TMEM45A: variants seen among roughly 807,000 people sequenced by gnomAD.
TMEM45A encodes the protein DNA polymerase-transactivated protein 4.
In TMEM45A, 25 loss-of-function variants were observed where a neutral mutation model predicts 32.0. The ratio of observed to expected loss-of-function variants is 0.78; its 90% CI spans 0.57 to 1.09. The LOEUF is 1.09. TMEM45A is among the 50% of genes least tolerant of loss of function. The pLI, the probability that TMEM45A is intolerant of heterozygous loss-of-function variation, is 0.00. For synonymous variants in TMEM45A, 122 were observed against 114.8 expected, an observed-to-expected ratio of 1.06 and a Z score of -0.40; for missense variants, 302 against 325.0, an observed-to-expected ratio of 0.93 and a Z score of 0.54.
In TMEM45A at chr3:100,565,216, A is replaced by C. The variant is rs145373834; in HGVS notation, c.589-3606A>C. On this transcript the variant is annotated intron_variant, in intron 4 of 5. Coordinates refer to ENST00000323523, the MANE Select transcript of TMEM45A (RefSeq NM_018004.3). ...CTTGAGGTTGTTTCAAGGGCTAAGAATTATTGTGATGTTTATGTACATGAG... is the reference window on the plus strand; with the variant it reads ...CTTGAGGTTGTTTCAAGGGCTAAGACTTATTGTGATGTTTATGTACATGAG... 3.4e-3 allele frequency among the ~76,000 whole-genome samples: 523 copies of C among 152,276 alleles called. 10 individuals are homozygous for C. The highest frequency in any genetic ancestry group is 5.9e-4 in the Non-Finnish European group (40 of 68,028).
In TMEM45A at chr3:100,577,335, C is replaced by T. The variant is rs1706713647; in HGVS notation, c.*317C>T. On this transcript the variant is annotated 3_prime_UTR_variant, in exon 6 of 6. Transcript: ENST00000323523. The stretch of plus-strand genomic sequence containing the variant: ...TTGTTTTATTTGCCTTATAGATATG[C>T]TCAAGGTTACTGGGCTTGCTACTAT... The T allele has an allele frequency of 4.6e-6, 1 of 217,790 alleles. No homozygotes were observed. Among genetic ancestry groups the T allele is most frequent in the Non-Finnish European group, 8.9e-6 (1 of 111,740 alleles). The allele number at this position is 217,790 out of a possible 1,614,324, so 13.5% of individuals were successfully genotyped here.
chr3:100,535,125 G>A (rs1705718610), intron 1 of TMEM45A, among the ~76,000 whole-genome samples: 1 of 150,918 alleles, frequency 6.6e-6, no homozygotes, highest in Non-Finnish European at 1.5e-5. Flanking sequence ...CCTTGGCTGG[G>A]CCTTTTTTTT....
At chr3:100,572,777 A>G (rs1456322060) in intron 5 of TMEM45A, 1 of 150,252 alleles carries the variant, frequency 6.7e-6, no homozygotes, top group African/African-American at 2.4e-5. Flanking sequence ...TAATTTTTGT[A>G]TAAGGTGTAA....
At chr3:100,497,529 A>G (rs530712832) in intron 1 of TMEM45A, among the ~76,000 whole-genome samples, 2 of 152,328 alleles carry the variant, frequency 1.3e-5, no homozygotes, top group East Asian at 3.9e-4. Flanking sequence ...CCCAAACTGA[A>G]ACTTAATACT....
chr3:100,519,528 C>A, intron 1 of TMEM45A: 1 of 1,549,610 alleles, frequency 6.5e-7, no homozygotes, highest in South Asian at 1.2e-5. Flanking sequence ...TCTCTTCTGC[C>A]ACAGTTCTAA....
rs368109591 is a variant in TMEM45A at position 100,516,198 on chromosome 3, G to C, written c.-4+23270G>C. On this transcript the variant is annotated intron_variant, in intron 1 of 5. Coordinates refer to ENST00000323523, the MANE Select transcript of TMEM45A (RefSeq NM_018004.3). ...CTCTGCTTTTATCTAATGAGCTCCGGACTGCCATACTCCTGGACATGATAG... is the reference window on the plus strand; with the variant it reads ...CTCTGCTTTTATCTAATGAGCTCCGCACTGCCATACTCCTGGACATGATAG... 4.3e-3 allele frequency among the ~76,000 whole-genome samples: 648 copies of C among 152,264 alleles called. 3 individuals carry two copies. Among genetic ancestry groups the C allele is most frequent in the Middle Eastern group, 6.8e-3 (2 of 294 alleles).
At chr3:100,493,834 T>C (rs6441285) in intron 1 of TMEM45A, among the ~76,000 whole-genome samples, 85,864 of 151,870 alleles carry the variant, frequency 0.57, 26,141 homozygotes, top group African/African-American at 0.81. Flanking sequence ...CGGGTTCAAG[T>C]GATTCTCCTG....
chr3:100,494,967 T>G (rs940887123), intron 1 of TMEM45A, among the ~76,000 whole-genome samples: 1 of 152,176 alleles, frequency 6.6e-6, no homozygotes, highest in African/African-American at 2.4e-5. Context: ...TGAGTTAGCA[T>G]ACATTGAACA....
chr3:100,500,530 TCAGATTG>T (rs1488201399), intron 1 of TMEM45A, among the ~76,000 whole-genome samples: 4 of 152,250 alleles, frequency 2.6e-5, no homozygotes, highest in Non-Finnish European at 5.9e-5. Flanking sequence ...CTGTGAGCCA[TCAGATTG>T]ACTGTTTCCA....
intron 1 of TMEM45A, among the ~76,000 whole-genome samples, chr3:100,499,546 C>A (rs1477384889): frequency 6.6e-6 from 1 of 152,174 alleles, no homozygotes; most frequent in African/African-American, 2.4e-5. Context: ...CTAATTATAT[C>A]TAAAGTACTG....
chr3:100,556,927 G>A lies in TMEM45A; in HGVS notation c.358G>A (p.Val120Met), dbSNP rs1429321897. 2 of 1,614,154 alleles carry A rather than the reference G, an allele frequency of 1.2e-6. No individual in the cohort carries two copies. The highest frequency in any genetic ancestry group is 1.7e-6 in the Non-Finnish European group (2 of 1,180,016). ...ATGTTTCACCATCAGTTCACTTCCT[G>A]TGTCCTTAACCAAGTTAATGTTGTC... is the stretch of plus-strand genomic sequence containing the variant. ...ILCFTISSLPVSLTKLMLSNA... is the reference protein window; with the variant it reads ...ILCFTISSLPMSLTKLMLSNA... The change falls in exon 3 of 6, where the codon GTG becomes ATG. Residue 120 changes from valine (V) to methionine (M), a missense_variant. Transcript: ENST00000323523.
rs1705386407 is a variant in TMEM45A at position 100,519,389 on chromosome 3, G to GCA, written c.-4+26461_-4+26462insCA. 8.1e-4 allele frequency: 109 copies of GCA among 133,934 alleles called. No individual in the cohort carries two copies. The Admixed American group carries it at 8.9e-3, about 11-fold the overall frequency. The allele number at this position is 133,934 out of a possible 1,614,324, so 8.3% of individuals were successfully genotyped here. ...ACAGGTTGTGTGTGTGTGTGTGCAT[G>GCA]TGTGTGTGTGTGTGTGTGTGTAAAA... On this transcript the variant is annotated intron_variant, in intron 1 of 5. Transcript: ENST00000323523.
chr3:100,497,842 G>T (rs984424455), intron 1 of TMEM45A, among the ~76,000 whole-genome samples: 1 of 152,156 alleles, frequency 6.6e-6, no homozygotes, highest in African/African-American at 2.4e-5. Context: ...CACCTGTGAT[G>T]ATTAGTTATG....
intron 1 of TMEM45A, among the ~76,000 whole-genome samples, chr3:100,496,025 C>A (rs1372537339): frequency 6.6e-6 from 1 of 152,170 alleles, no homozygotes; most frequent in African/African-American, 2.4e-5. Flanking sequence ...AGTGGAGAGT[C>A]ACTTTGGAGT....
rs1287985796 is a variant in TMEM45A, at chr3:100,577,209, T to C, written c.*191T>C. 5 of 495,282 alleles carry C rather than the reference T, an allele frequency of 1.0e-5. No homozygotes were observed. Among genetic ancestry groups the C allele is most frequent in the South Asian group, 2.5e-5 (1 of 39,786 alleles). 30.7% of individuals were successfully genotyped at this position (495,282 alleles called of 1,614,324 possible). On this transcript the variant is annotated 3_prime_UTR_variant, in exon 6 of 6. Transcript: ENST00000323523. ...TTAGCTTTGAAAATATTTTGGGTGA[T>C]ACTTTCATTTTGCACATCATGCACA...
At chr3:100,493,767 T>C (rs1353672941) in intron 1 of TMEM45A, among the ~76,000 whole-genome samples, 2 of 152,172 alleles carry the variant, frequency 1.3e-5, no homozygotes. Flanking sequence ...GTCTCACTCT[T>C]GTCGCCAAGG....
At chr3:100,532,264 A>G (rs1030894799) in intron 1 of TMEM45A, among the ~76,000 whole-genome samples, 4 of 152,188 alleles carry the variant, frequency 2.6e-5, no homozygotes, top group Admixed American at 1.3e-4. Context: ...ATCATGTTAA[A>G]CCAGAGAACA....
chr3:100,529,201 G>A (rs1705603363), intron 1 of TMEM45A, among the ~76,000 whole-genome samples: 2 of 152,164 alleles, frequency 1.3e-5, no homozygotes, highest in African/African-American at 4.8e-5. Context: ...GAAGCAATTA[G>A]TTGTAGGCTT....
intron 1 of TMEM45A, among the ~76,000 whole-genome samples, chr3:100,517,202 C>T (rs552593244): frequency 7.9e-5 from 12 of 152,214 alleles, no homozygotes; most frequent in South Asian, 2.1e-4. Flanking sequence ...TTGCAACCTC[C>T]GCCTTCTGGG....
Sources: allele counts gnomAD v4.1 joint callset (sites outside exome capture counted in the v4.1 genomes callset), GRCh38; gene constraint gnomAD v4.1.1; transcripts MANE v1.5; gene names NCBI Gene and HGNC (gene_info 2026-07-23, HGNC 2026-07-21).